CEP192: variants seen among roughly 807,000 people sequenced by gnomAD.
CEP192 encodes the protein centrosomal protein of 192 kDa.
In CEP192, 151 loss-of-function variants were observed where a neutral mutation model predicts 271.8. The observed-to-expected ratio is 0.56, with a 90% CI of 0.49 to 0.64. The LOEUF (loss-of-function observed/expected upper bound fraction) is 0.64. CEP192 is among the 30% of genes least tolerant of loss of function. The pLI, the probability that CEP192 is intolerant of heterozygous loss-of-function variation, is 0.00. For missense variants in CEP192, 2,910 were observed against 3,020.5 expected, an observed-to-expected ratio of 0.96 and a Z score of 0.86; for synonymous variants, 995 against 1,076.5, an observed-to-expected ratio of 0.92 and a Z score of 1.48.
chr18:13,046,873 T>C (rs1281969918), intron 15 of CEP192, among the ~76,000 whole-genome samples: 1 of 151,752 alleles, frequency 6.6e-6, no homozygotes. Flanking sequence ...TAATGAATTT[T>C]GTTTGTTGTC....
intron 9 of CEP192, among the ~76,000 whole-genome samples, chr18:13,023,362 A>C (rs535042434): frequency 6.6e-6 from 1 of 152,096 alleles, no homozygotes; most frequent in Non-Finnish European, 1.5e-5. Flanking sequence ...CTTACTATTA[A>C]GTATGATGCT....
At chr18:13,066,404 T>C (rs2037701518) in intron 21 of CEP192, among the ~76,000 whole-genome samples, 1 of 152,210 alleles carries the variant, frequency 6.6e-6, no homozygotes, top group Non-Finnish European at 1.5e-5. Context: ...TTGCTGAGTC[T>C]TCCTGATTTT....
chr18:13,014,799 A>G (rs185644434), intron 5 of CEP192, among the ~76,000 whole-genome samples: 10 of 152,292 alleles, frequency 6.6e-5, no homozygotes, highest in Non-Finnish European at 1.5e-5. Flanking sequence ...TTACATATAT[A>G]TGTAATATAT....
intron 24 of CEP192, 121 bp downstream of exon 24, chr18:13,068,543 T>C (rs2037836937): frequency 1.1e-6 from 1 of 915,272 alleles, no homozygotes; most frequent in East Asian, 2.5e-5. Context: ...TATTTTATGT[T>C]TTTTTGAAAT....
At chr18:12,999,286 C>T (rs2033457853) in intron 1 of CEP192, 135 bp from the exon 2 acceptor site, 3 of 597,442 alleles carry the variant, frequency 5.0e-6, no homozygotes, top group South Asian at 2.5e-5. Context: ...AGACTATTTG[C>T]CTATTTCCCC....
rs2034875534 is a variant in CEP192 at position 13,019,700 on chromosome 18, A to G, written c.1050+494A>G. On this transcript the variant is annotated intron_variant, in intron 9 of 44. Transcript: ENST00000506447. ...TCTCACTTAGACCCACTTGTCCAGT[A>G]CTGATTAAAATAATGCTTGCTTTTT... Among the ~76,000 whole-genome samples the G allele has an allele frequency of 3.9e-5, 6 of 152,278 alleles. No homozygotes were observed. The South Asian group carries it at 1.2e-3, about 32-fold the overall frequency.
intron 42 of CEP192, among the ~76,000 whole-genome samples, chr18:13,115,435 T>TG (rs1258640113): frequency 4.0e-5 from 6 of 151,696 alleles, no homozygotes; most frequent in Non-Finnish European, 7.4e-5. Context: ...AGGGGAGTGG[T>TG]GGGGGGCAAG....
chr18:13,087,114 C>G lies in CEP192; in HGVS notation c.5714C>G (p.Pro1905Arg), dbSNP rs2038931585. Residue 1905 changes from proline (P) to arginine (R), a missense_variant, in exon 31 of 45, where the codon CCT (proline) becomes CGT (arginine). Pro to Arg is a moderately radical substitution (Grantham distance 103). Transcript: ENST00000506447. The part of the protein sequence containing the change: ...SYMVTVNGLV[P>R]GKESKIVFSV... ...ATGGTAACAGTGAATGGCTTAGTACCTGGCAAAGAAAGTAAAATTGTTTTT... is the reference window on the plus strand; with the variant it reads ...ATGGTAACAGTGAATGGCTTAGTACGTGGCAAAGAAAGTAAAATTGTTTTT... 2.5e-6 allele frequency: 4 copies of G among 1,613,976 alleles called. No individual in the cohort carries two copies. The highest frequency in any genetic ancestry group is 3.4e-6 in the Non-Finnish European group (4 of 1,179,922).
In CEP192 at chr18:13,124,622, C is replaced by T. The variant is rs754400841; in HGVS notation, c.7476-10C>T. On this transcript the variant is annotated splice_polypyrimidine_tract_variant and intron_variant, in intron 44 of 44. Transcript: ENST00000506447. ...TGACATGCTGCTGTCATGTGCCTCTCTCTTTCCAGAGCCCAGCATTACATC... is the reference window on the plus strand; with the variant it reads ...TGACATGCTGCTGTCATGTGCCTCTTTCTTTCCAGAGCCCAGCATTACATC... 1.9e-6 allele frequency: 3 copies of T among 1,606,318 alleles called. No individual in the cohort carries two copies. The highest frequency in any genetic ancestry group is 1.7e-5 in the Admixed American group (1 of 59,892).
At chr18:12,998,890 T>G (rs2033429659) in intron 1 of CEP192, among the ~76,000 whole-genome samples, 1 of 152,224 alleles carries the variant, frequency 6.6e-6, no homozygotes, top group Non-Finnish European at 1.5e-5. Flanking sequence ...TTTACCACTT[T>G]TACCTTGTCC....
chr18:13,036,564 G>A (rs985779856), intron 11 of CEP192, among the ~76,000 whole-genome samples: 1 of 152,252 alleles, frequency 6.6e-6, no homozygotes, highest in African/African-American at 2.4e-5. Flanking sequence ...TGGCGATTCT[G>A]ATGCCTCAAG....
At chr18:13,124,120 A>C (rs1329674084) in intron 44 of CEP192, among the ~76,000 whole-genome samples, 1 of 152,158 alleles carries the variant, frequency 6.6e-6, no homozygotes, top group African/African-American at 2.4e-5. Context: ...AGATCATGCC[A>C]TTACACCCCA....
intron 3 of CEP192, among the ~76,000 whole-genome samples, chr18:13,005,059 A>G (rs970406552): frequency 1.3e-5 from 2 of 152,066 alleles, no homozygotes; most frequent in African/African-American, 4.8e-5. Context: ...AGGTGATTCA[A>G]AGCTGTGAGG....
Position 13,008,604 on chromosome 18 carries a change from A to G in CEP192, c.439A>G (p.Arg147Gly), listed in dbSNP as rs2034128663. ...CTTGCAGGGCCAAGATCTCTTCAACAGGGCTTCACCACTGGAACAAGCACA... is the reference window on the plus strand; with the variant it reads ...CTTGCAGGGCCAAGATCTCTTCAACGGGGCTTCACCACTGGAACAAGCACA... ...ESLQGQDLFN[R>G]ASPLEQAQDS... Residue 147 changes from arginine (R) to glycine (G), a missense_variant, in exon 4 of 45, where the codon AGG becomes GGG. Physicochemically the swap from Arg to Gly is moderately radical, Grantham distance 125. Coordinates refer to ENST00000506447, the MANE Select transcript of CEP192 (RefSeq NM_032142.4). The G allele has an allele frequency of 6.4e-7, 1 of 1,551,504 alleles. No individual in the cohort carries two copies. Among genetic ancestry groups the G allele is most frequent in the Non-Finnish European group, 8.7e-7 (1 of 1,146,914 alleles).
chr18:13,096,591 C>T (rs1014904238), intron 36 of CEP192, among the ~76,000 whole-genome samples: 4 of 152,092 alleles, frequency 2.6e-5, no homozygotes, highest in African/African-American at 7.2e-5. Flanking sequence ...GACTTCAGAG[C>T]GTTTCCTTCT....
At chr18:12,996,384 G>A (rs2033240402) in intron 1 of CEP192, among the ~76,000 whole-genome samples, 1 of 151,878 alleles carries the variant, frequency 6.6e-6, no homozygotes, top group South Asian at 2.1e-4. Flanking sequence ...GGTGGGGAAG[G>A]CTGAAGGGCA....
At chr18:13,075,603 G>A (rs927180068) in intron 30 of CEP192, among the ~76,000 whole-genome samples, 2 of 152,012 alleles carry the variant, frequency 1.3e-5, no homozygotes, top group Non-Finnish European at 2.9e-5. Context: ...ACCAGAAACC[G>A]GCACCTTGAT....
At chr18:13,060,180 C>T (rs188323041) in intron 21 of CEP192, among the ~76,000 whole-genome samples, 14 of 152,178 alleles carry the variant, frequency 9.2e-5, no homozygotes, top group African/African-American at 1.4e-4. Context: ...GCCTTCTGCA[C>T]GCCTAGACCT....
intron 9 of CEP192, among the ~76,000 whole-genome samples, chr18:13,027,607 A>C (rs2035376861): frequency 6.6e-6 from 1 of 152,076 alleles, no homozygotes; most frequent in African/African-American, 2.4e-5. Flanking sequence ...TCTCTTAGGG[A>C]TCTAAGAAGA....
Sources: allele counts gnomAD v4.1 joint callset (sites outside exome capture counted in the v4.1 genomes callset), GRCh38; gene constraint gnomAD v4.1.1; transcripts MANE v1.5; gene names NCBI Gene and HGNC (gene_info 2026-07-23, HGNC 2026-07-21).